KIF5C: variants seen among roughly 807,000 people sequenced by gnomAD.
KIF5C encodes the protein kinesin heavy chain isoform 5C.
Under a neutral mutation model 125.2 loss-of-function variants are expected in KIF5C, and 18 were observed. That is an observed-to-expected ratio of 0.14 (90% CI 0.10 to 0.21). KIF5C has a LOEUF of 0.21. Among genes scored for constraint, KIF5C ranks in the 10% least tolerant of loss-of-function variants. The pLI, the probability that KIF5C is intolerant of heterozygous loss-of-function variation, is 1.00. For synonymous variants in KIF5C, 405 were observed against 434.0 expected, an observed-to-expected ratio of 0.93 and a Z score of 0.83; for missense variants, 780 against 1,183.8, an observed-to-expected ratio of 0.66 and a Z score of 5.01.
intron 21 of KIF5C, 63 bp downstream of exon 21, chr2:149,000,845 G>A (rs189812705): frequency 2.3e-5 from 37 of 1,597,646 alleles, no homozygotes; most frequent in East Asian, 1.3e-4. Flanking sequence ...GTGATTTGTC[G>A]GATTATTTCA....
rs551577970 is a variant in KIF5C at position 149,019,142 on chromosome 2, TTTGG to T, written c.*8-3932_*8-3929del. Among the ~76,000 whole-genome samples the T allele has an allele frequency of 6.6e-5, 10 of 152,264 alleles. No homozygotes were observed. The South Asian group carries it at 2.1e-3, about 32-fold the overall frequency. The stretch of plus-strand genomic sequence containing the variant: ...CATTCTGTCTGTTGCGGTGTGCTGT[TTTGG>T]TTGAAGTATATAAAGATAATCCCCC... On this transcript the variant is annotated intron_variant, in intron 25 of 25. Coordinates refer to ENST00000435030, the MANE Select transcript of KIF5C (RefSeq NM_004522.3).
At chr2:148,887,587 A>G (rs1361040980) in intron 1 of KIF5C, among the ~76,000 whole-genome samples, 17 of 152,172 alleles carry the variant, frequency 1.1e-4, no homozygotes, top group Admixed American at 1.1e-3. Flanking sequence ...GAGAAAGCAC[A>G]TTCGATTCTA....
chr2:148,933,865 A>C (rs1222089622), intron 3 of KIF5C, among the ~76,000 whole-genome samples: 2 of 150,242 alleles, frequency 1.3e-5, no homozygotes, highest in Non-Finnish European at 3.0e-5. Flanking sequence ...CACACACCAT[A>C]ATATACACAC....
intron 21 of KIF5C, among the ~76,000 whole-genome samples, chr2:149,003,824 G>A (rs1681924098): frequency 6.6e-6 from 1 of 152,218 alleles, no homozygotes. Flanking sequence ...AGATGCCTGG[G>A]CCTTGGACAA....
chr2:148,953,158 A>G (rs1682709172), intron 10 of KIF5C, among the ~76,000 whole-genome samples: 1 of 152,236 alleles, frequency 6.6e-6, no homozygotes, highest in African/African-American at 2.4e-5. Flanking sequence ...TTTGTCACAG[A>G]CATTAGTTTC....
chr2:148,975,721 ACTGTGGACTCAGAC>A (rs572299847), intron 12 of KIF5C, among the ~76,000 whole-genome samples: 42 of 152,286 alleles, frequency 2.8e-4, no homozygotes, highest in Non-Finnish European at 5.1e-4. Flanking sequence ...GAGAGCATGC[ACTGTGGACTCAGAC>A]CTGTAACAAT....
At chr2:149,010,468 T>C (rs1682156086) in intron 24 of KIF5C, 117 bp downstream of exon 24, 1 of 1,443,316 alleles carries the variant, frequency 6.9e-7, no homozygotes, top group East Asian at 2.5e-5. Flanking sequence ...AAGGCTGGGT[T>C]GGAGCCCGCA....
chr2:148,917,334 G>A (rs1026542356), intron 1 of KIF5C, among the ~76,000 whole-genome samples: 3 of 152,070 alleles, frequency 2.0e-5, no homozygotes, highest in South Asian at 2.1e-4. Context: ...GTGTTATTGC[G>A]GATGTCTCCT....
intron 1 of KIF5C, among the ~76,000 whole-genome samples, chr2:148,902,499 G>A (rs1242910855): frequency 6.6e-6 from 1 of 151,968 alleles, no homozygotes; most frequent in Admixed American, 6.6e-5. Context: ...GTATTTTTAG[G>A]AGAGTCGGGG....
intron 8 of KIF5C, chr2:148,947,789 A>C: frequency 2.4e-6 from 1 of 425,478 alleles, no homozygotes; most frequent in Non-Finnish European, 4.8e-6. Context: ...TCATAGAGCA[A>C]GGCCATGTGC....
intron 12 of KIF5C, among the ~76,000 whole-genome samples, chr2:148,976,245 T>TTTGTTTTATTTATTTA (rs1553468293): frequency 7.0e-6 from 1 of 143,876 alleles, no homozygotes; most frequent in African/African-American, 2.6e-5. Context: ...TATTATTTTG[T>TTTGTTTTATTTATTTA]TTTATTTATT....
chr2:148,977,083 A>G (rs1681097908), intron 12 of KIF5C, among the ~76,000 whole-genome samples: 1 of 152,252 alleles, frequency 6.6e-6, no homozygotes, highest in African/African-American at 2.4e-5. Flanking sequence ...AAAAAATCAC[A>G]GTAGAGCTCA....
intron 16 of KIF5C, among the ~76,000 whole-genome samples, chr2:148,992,959 GCCC>G (rs1257387480): frequency 1.3e-5 from 2 of 152,216 alleles, no homozygotes; most frequent in Non-Finnish European, 2.9e-5. Context: ...ATGGCCTGCA[GCCC>G]ACCCTCTTCT....
intron 21 of KIF5C, among the ~76,000 whole-genome samples, chr2:149,002,545 G>T (rs1358493323): frequency 6.6e-6 from 1 of 152,130 alleles, no homozygotes; most frequent in African/African-American, 2.4e-5. Context: ...CAACTTGCAT[G>T]CACACTAATG....
rs528884493 is a variant in KIF5C at position 148,979,007 on chromosome 2, A to G, written c.1362+17A>G. The G allele has an allele frequency of 1.3e-6, 2 of 1,526,486 alleles. No individual in the cohort carries two copies. Among genetic ancestry groups the G allele is most frequent in the Non-Finnish European group, 1.8e-6 (2 of 1,133,696 alleles). 94.6% of individuals were successfully genotyped at this position (1,526,486 alleles called of 1,614,324 possible). On this transcript the variant is annotated intron_variant, in intron 13 of 25. Coordinates refer to ENST00000435030, the MANE Select transcript of KIF5C (RefSeq NM_004522.3). ...CAGGATGAGGTAAAGAATGCAATAT[A>G]TTTTTTTTTCCACAAAGTTCTTCTA...
At chr2:148,899,413 C>T (rs930191234) in intron 1 of KIF5C, among the ~76,000 whole-genome samples, 1 of 152,058 alleles carries the variant, frequency 6.6e-6, no homozygotes, top group Non-Finnish European at 1.5e-5. Context: ...CATAAGAAAA[C>T]AGCTGGGTCC....
chr2:148,900,899 G>A (rs1260863998), intron 1 of KIF5C, among the ~76,000 whole-genome samples: 1 of 152,180 alleles, frequency 6.6e-6, no homozygotes. Context: ...ACTTGTGTTG[G>A]AGGATTCTTC....
At chr2:148,907,386 T>G (rs1411697913) in intron 1 of KIF5C, among the ~76,000 whole-genome samples, 3 of 152,196 alleles carry the variant, frequency 2.0e-5, no homozygotes, top group Non-Finnish European at 2.9e-5. Flanking sequence ...GTGGCATTAA[T>G]GCACCCAGGT....
In KIF5C at chr2:148,983,625, A is replaced by G. The variant is rs370689688; in HGVS notation, c.1575A>G (p.Thr525=). 69 of 1,568,292 alleles carry G rather than the reference A, an allele frequency of 4.4e-5. No homozygotes were observed. Among genetic ancestry groups the G allele is most frequent in the Non-Finnish European group, 5.8e-5 (67 of 1,154,408 alleles). ...TGTTGAAATTTGTTTTTCAGACTACATTGACAACCACACAGAGAGAGCTGA... is the reference window on the plus strand; with the variant it reads ...TGTTGAAATTTGTTTTTCAGACTACGTTGACAACCACACAGAGAGAGCTGA... The part of the protein sequence containing the change: ...LTDELAQKTT[T]LTTTQRELSQ... Residue 525 remains threonine (T), a synonymous_variant, in exon 15 of 26, where the codon ACA becomes ACG. Transcript: ENST00000435030.
Sources: allele counts gnomAD v4.1 joint callset (sites outside exome capture counted in the v4.1 genomes callset), GRCh38; gene constraint gnomAD v4.1.1; transcripts MANE v1.5; gene names NCBI Gene and HGNC (gene_info 2026-07-23, HGNC 2026-07-21).